The following LRFN2 variants were observed in gnomAD, a reference collection of about 807,000 sequenced individuals.
LRFN2 encodes leucine rich repeat and fibronectin type III domain containing 2.
In LRFN2, 18 loss-of-function variants were observed where a neutral mutation model predicts 37.3. The ratio of observed to expected loss-of-function variants is 0.48; its 90% CI spans 0.33 to 0.72. The LOEUF (loss-of-function observed/expected upper bound fraction) is 0.72. Ranked by LOEUF, LRFN2 falls within the 30% of genes least tolerant of loss-of-function variation. The probability of loss-of-function intolerance (pLI) is 0.02; values close to 1 mark genes in which losing one functional copy is unlikely to be tolerated. For synonymous variants in LRFN2, 556 were observed against 466.6 expected (o/e 1.19, Z -2.47); for missense variants, 1,006 against 1,060.7 (o/e 0.95, Z 0.72).
chr6:40,446,697 T>C (rs1763977477), intron 1 of LRFN2, among the ~76,000 whole-genome samples: 1 of 152,376 alleles, frequency 6.6e-6, no homozygotes, highest in Non-Finnish European at 1.5e-5. Context: ...CAAGACAGTC[T>C]GCACAGAGGA....
chr6:40,484,634 C>A (rs893021853), intron 1 of LRFN2, among the ~76,000 whole-genome samples: 1 of 152,184 alleles, frequency 6.6e-6, no homozygotes, highest in African/African-American at 2.4e-5. Context: ...TCCTCCACTC[C>A]CACCCCTGGG....
intron 1 of LRFN2, among the ~76,000 whole-genome samples, chr6:40,584,544 T>C (rs1455530049): frequency 6.6e-6 from 1 of 152,144 alleles, no homozygotes; most frequent in Non-Finnish European, 1.5e-5. Flanking sequence ...CCATCCCAGG[T>C]TGTTTATTGC....
intron 2 of LRFN2, 152 bp from the exon 3 acceptor site, chr6:40,393,064 C>G: frequency 1.5e-6 from 1 of 654,196 alleles, no homozygotes; most frequent in Non-Finnish European, 2.5e-6. Context: ...GAGAATGGGG[C>G]AGAGGGAAAG....
intron 1 of LRFN2, among the ~76,000 whole-genome samples, chr6:40,571,587 G>A (rs535321377): frequency 1.9e-3 from 284 of 152,318 alleles, no homozygotes; most frequent in African/African-American, 6.2e-3. Flanking sequence ...TCCAGGTGGC[G>A]CTGGGTGTTT....
rs115918218 is a variant in LRFN2 at position 40,465,708 on chromosome 6, C to A, written c.-18-32577G>T. Among the ~76,000 whole-genome samples, 809 of 152,210 alleles carry A rather than the reference C, an allele frequency of 5.3e-3. 5 individuals carry two copies. The highest frequency in any genetic ancestry group is 9.1e-3 in the Non-Finnish European group (622 of 68,022). ...GGATCCTTGAACAACATAGGATGTT[C>A]CCAAGAGGATCAAATTTCTGGGAAT... is the stretch of plus-strand genomic sequence containing the variant. On this transcript the variant is annotated intron_variant, in intron 1 of 2. Coordinates refer to ENST00000338305, the MANE Select transcript of LRFN2 (RefSeq NM_020737.3).
intron 1 of LRFN2, among the ~76,000 whole-genome samples, chr6:40,475,753 A>G (rs940936475): frequency 1.1e-4 from 16 of 152,158 alleles, no homozygotes; most frequent in Admixed American, 5.2e-4. Context: ...ACCATGCTTG[A>G]TGTAGTCCAG....
rs1216726423 is a variant in LRFN2, at chr6:40,431,922, C to T, written c.1192G>A (p.Asp398Asn). Residue 398 changes from aspartate to asparagine, a missense_variant, in exon 2 of 3, where the codon GAC becomes AAC. This residue lies in a region of LRFN2 where 303 missense variants were observed against 299.8 expected (regional missense o/e 1.01). Coordinates refer to ENST00000338305, the MANE Select transcript of LRFN2 (RefSeq NM_020737.3). ...CTGGTCTTGCTGGAGCCAGTGATGT[C>T]TGAGAGGCGGGACTTGGGGGGTGCA... ...RTAPPKSRLSDITGSSKTSRG... is the reference protein window; with the variant it reads ...RTAPPKSRLSNITGSSKTSRG... 6.2e-7 allele frequency: 1 copy of T among 1,613,280 alleles called. No homozygotes were observed. Among genetic ancestry groups the T allele is most frequent in the Non-Finnish European group, 8.5e-7 (1 of 1,179,790 alleles).
intron 1 of LRFN2, among the ~76,000 whole-genome samples, chr6:40,469,792 C>T (rs1764552663): frequency 6.6e-6 from 1 of 152,272 alleles, no homozygotes; most frequent in Middle Eastern, 3.4e-3. Context: ...GTGTCCCTCC[C>T]TCCCTTACCC....
At chr6:40,517,014 C>T (rs1023769146) in intron 1 of LRFN2, among the ~76,000 whole-genome samples, 1 of 152,094 alleles carries the variant, frequency 6.6e-6, no homozygotes, top group African/African-American at 2.4e-5. Flanking sequence ...AGAAACAGTC[C>T]CTGCCTGCAT....
chr6:40,574,342 C>T (rs1014136988), intron 1 of LRFN2, among the ~76,000 whole-genome samples: 1 of 152,132 alleles, frequency 6.6e-6, no homozygotes, highest in African/African-American at 2.4e-5. Flanking sequence ...CATGAGGGTA[C>T]ACAGCTCCTA....
chr6:40,547,105 C>CTTT (rs71307603), intron 1 of LRFN2, among the ~76,000 whole-genome samples: 12,824 of 139,304 alleles, frequency 0.092, 673 homozygotes, highest in Non-Finnish European at 0.12. Context: ...TAATGCAAAT[C>CTTT]TTTTTTTTTT....
intron 2 of LRFN2, among the ~76,000 whole-genome samples, chr6:40,405,963 A>T (rs1377074968): frequency 6.6e-6 from 1 of 152,182 alleles, no homozygotes; most frequent in Non-Finnish European, 1.5e-5. Flanking sequence ...GCTGCCAGGC[A>T]AGGACTTGGG....
chr6:40,493,141 C>T (rs114990944), intron 1 of LRFN2, among the ~76,000 whole-genome samples: 111 of 152,184 alleles, frequency 7.3e-4, no homozygotes, highest in African/African-American at 2.6e-3. Context: ...GAAACAACAT[C>T]CTGGAGTCCT....
intron 1 of LRFN2, among the ~76,000 whole-genome samples, chr6:40,575,505 G>A (rs1451322393): frequency 2.0e-5 from 3 of 152,174 alleles, no homozygotes. Context: ...CCCTTGCTTG[G>A]GGGCCAAAAT....
intron 1 of LRFN2, among the ~76,000 whole-genome samples, chr6:40,515,841 C>T (rs571032303): frequency 6.8e-6 from 1 of 147,472 alleles, no homozygotes; most frequent in African/African-American, 2.5e-5. Context: ...TGCAGTGAGC[C>T]GAGATCGTGC....
intron 1 of LRFN2, among the ~76,000 whole-genome samples, chr6:40,582,078 T>C (rs1767415080): frequency 1.3e-5 from 2 of 152,256 alleles, no homozygotes; most frequent in South Asian, 4.2e-4. Flanking sequence ...AAATAGACTT[T>C]GCATCCCCAG....
chr6:40,502,945 T>C (rs1288958426), intron 1 of LRFN2, among the ~76,000 whole-genome samples: 3 of 152,104 alleles, frequency 2.0e-5, no homozygotes, highest in African/African-American at 4.8e-5. Flanking sequence ...GGAGCTGAGA[T>C]TGGAGATTCA....
chr6:40,549,528 G>C (rs1031902429), intron 1 of LRFN2, among the ~76,000 whole-genome samples: 1 of 152,182 alleles, frequency 6.6e-6, no homozygotes, highest in Non-Finnish European at 1.5e-5. Flanking sequence ...GGCCCATTGA[G>C]AGAAAAGAGA....
intron 1 of LRFN2, among the ~76,000 whole-genome samples, chr6:40,435,048 TATATAGAGAGAG>T (rs1438641798): frequency 3.5e-4 from 25 of 71,150 alleles, no homozygotes; most frequent in African/African-American, 7.4e-4. Context: ...TATATATATA[TATATAGAGAGAG>T]AGAGAGAGAG....
Sources: allele counts gnomAD v4.1 joint callset (sites outside exome capture counted in the v4.1 genomes callset), GRCh38; gene constraint gnomAD v4.1.1; regional missense constraint gnomAD v4.1.1; transcripts MANE v1.5; gene names NCBI Gene and HGNC (gene_info 2026-07-23, HGNC 2026-07-21).